Variants in VEPH1 observed in about 807,000 individuals in gnomAD.
VEPH1 encodes ventricular zone expressed PH domain containing 1, also known as ventricular zone-expressed PH domain-containing protein homolog 1.
A neutral mutation model predicts 85.2 loss-of-function variants in VEPH1; 80 were observed. The observed-to-expected ratio is 0.94, with a 90% CI of 0.78 to 1.13. VEPH1 has a LOEUF of 1.13. Ranked by LOEUF, VEPH1 falls within the 50% of genes most tolerant of loss-of-function variation. The pLI is 0.00. For missense variants in VEPH1, 955 were observed against 980.5 expected, an observed-to-expected ratio of 0.97 and a Z score of 0.35; for synonymous variants, 297 against 348.0, an observed-to-expected ratio of 0.85 and a Z score of 1.63.
chr3:157,325,726 T>G (rs1459513651), intron 9 of VEPH1, among the ~76,000 whole-genome samples: 1 of 152,204 alleles, frequency 6.6e-6, no homozygotes, highest in Non-Finnish European at 1.5e-5. Context: ...AGTACCATGC[T>G]GTTTGGGTTA....
At chr3:157,501,111 C>T (rs1364407150) in intron 1 of VEPH1, among the ~76,000 whole-genome samples, 1 of 152,198 alleles carries the variant, frequency 6.6e-6, no homozygotes, top group Non-Finnish European at 1.5e-5. Context: ...CATGACTGTA[C>T]TGTTCACTAA....
chr3:157,331,535 C>T (rs1500923), intron 9 of VEPH1, among the ~76,000 whole-genome samples: 2 of 151,892 alleles, frequency 1.3e-5, no homozygotes, highest in African/African-American at 4.8e-5. Flanking sequence ...ACAGGGAGAG[C>T]GGGATATATT....
chr3:157,272,301 C>CCTTCCCTTCCT (rs1714698931), intron 12 of VEPH1, among the ~76,000 whole-genome samples: 1 of 122,096 alleles, frequency 8.2e-6, no homozygotes, highest in Non-Finnish European at 1.8e-5. Flanking sequence ...TCCTTCCCTT[C>CCTTCCCTTCCT]CTCTCTCTCT....
chr3:157,428,206 A>C, intron 5 of VEPH1, 116 bp downstream of exon 5: 1 of 1,139,834 alleles, frequency 8.8e-7, no homozygotes, highest in East Asian at 2.5e-5. Flanking sequence ...GCTTTCACTT[A>C]AAAAAATGGG....
chr3:157,455,368 T>C (rs1735284967), intron 4 of VEPH1, among the ~76,000 whole-genome samples: 1 of 152,196 alleles, frequency 6.6e-6, no homozygotes, highest in Non-Finnish European at 1.5e-5. Flanking sequence ...TGTTTTCATA[T>C]ACTTGTTGAC....
At chr3:157,493,249 A>G (rs978165632) in intron 2 of VEPH1, 40 of 456,354 alleles carry the variant, frequency 8.8e-5, no homozygotes, top group African/African-American at 4.4e-4. Context: ...TCTGTGCTGG[A>G]AGTTGGAAGG....
intron 4 of VEPH1, among the ~76,000 whole-genome samples, chr3:157,438,419 C>G (rs1733845671): frequency 6.6e-6 from 1 of 152,150 alleles, no homozygotes; most frequent in Non-Finnish European, 1.5e-5. Context: ...AGCCCCTCAG[C>G]CGGCCCCTCC....
intron 12 of VEPH1, among the ~76,000 whole-genome samples, chr3:157,269,664 A>G (rs1038677272): frequency 4.1e-5 from 2 of 48,764 alleles, no homozygotes; most frequent in Admixed American, 2.3e-4. Context: ...TTTTTTTGCT[A>G]TTACATCTAA....
At chr3:157,397,912 T>C (rs997420083) in intron 6 of VEPH1, among the ~76,000 whole-genome samples, 22 of 152,180 alleles carry the variant, frequency 1.4e-4, no homozygotes, top group Non-Finnish European at 2.9e-4. Context: ...CCACTGTCCT[T>C]CAGGCATGTC....
chr3:157,291,823 A>G (rs1717506148), intron 11 of VEPH1, among the ~76,000 whole-genome samples: 1 of 152,228 alleles, frequency 6.6e-6, no homozygotes. Context: ...ATTGAAGCAC[A>G]TAGATCTTAT....
intron 6 of VEPH1, among the ~76,000 whole-genome samples, chr3:157,393,346 C>T (rs1456099124): frequency 6.6e-6 from 1 of 152,130 alleles, no homozygotes; most frequent in Admixed American, 6.5e-5. Context: ...CCAAATTCAT[C>T]TTAGCTGACA....
chr3:157,431,039 C>T (rs1733107889), intron 4 of VEPH1, among the ~76,000 whole-genome samples: 1 of 152,116 alleles, frequency 6.6e-6, no homozygotes, highest in Non-Finnish European at 1.5e-5. Flanking sequence ...GAATTGTAAT[C>T]CTCACGTGTC....
intron 4 of VEPH1, among the ~76,000 whole-genome samples, chr3:157,450,078 CAG>C (rs1283829591): frequency 1.2e-5 from 1 of 85,822 alleles, no homozygotes; most frequent in African/African-American, 4.6e-5. Flanking sequence ...TTTTTTGAGA[CAG>C]GGGCTTGTTC....
intron 4 of VEPH1, among the ~76,000 whole-genome samples, chr3:157,451,066 G>T (rs575360374): frequency 1.3e-5 from 2 of 152,234 alleles, no homozygotes; most frequent in East Asian, 3.9e-4. Flanking sequence ...TTGATATCAT[G>T]GTATTGATAT....
At chr3:157,389,606 G>T (rs543016897) in intron 6 of VEPH1, among the ~76,000 whole-genome samples, 1 of 151,702 alleles carries the variant, frequency 6.6e-6, no homozygotes. Flanking sequence ...TGGATGGATA[G>T]GTAAATAGAT....
intron 13 of VEPH1, among the ~76,000 whole-genome samples, chr3:157,262,238 G>T (rs1226365999): frequency 6.6e-6 from 1 of 152,084 alleles, no homozygotes. Flanking sequence ...CATCAGGGAA[G>T]TATCCATCAG....
intron 9 of VEPH1, among the ~76,000 whole-genome samples, chr3:157,340,778 A>G (rs138211347): frequency 0.04 from 6,088 of 152,280 alleles, 160 homozygotes; most frequent in South Asian, 0.11. Flanking sequence ...ACCCCCCAGT[A>G]GGGGCAGACT....
intron 9 of VEPH1, among the ~76,000 whole-genome samples, chr3:157,354,962 G>C (rs1725265822): frequency 6.6e-6 from 1 of 152,084 alleles, no homozygotes; most frequent in Non-Finnish European, 1.5e-5. Context: ...TGCCTACATT[G>C]AACTATCCTC....
chr3:157,355,197 A>G (rs1246818293), intron 9 of VEPH1, among the ~76,000 whole-genome samples: 3 of 152,230 alleles, frequency 2.0e-5, no homozygotes, highest in Admixed American at 2.0e-4. Context: ...TTCTGCAGAT[A>G]AATCATCTCA....
Sources: allele counts gnomAD v4.1 joint callset (sites outside exome capture counted in the v4.1 genomes callset), GRCh38; gene constraint gnomAD v4.1.1; transcripts MANE v1.5; gene names NCBI Gene and HGNC (gene_info 2026-07-23, HGNC 2026-07-21).